The following KCNK3 variants were observed in gnomAD, a reference collection of about 807,000 sequenced individuals.
The protein encoded by KCNK3 is potassium channel subfamily K member 3.
In KCNK3, 9 loss-of-function variants were observed where a neutral mutation model predicts 27.3. That is an observed-to-expected ratio of 0.33 (90% CI 0.20 to 0.57). The LOEUF is 0.57. KCNK3 is among the 20% of genes least tolerant of loss of function. KCNK3 has a pLI of 0.87. For synonymous variants in KCNK3, 278 were observed against 273.8 expected (o/e 1.02, Z -0.15); for missense variants, 391 against 577.7 (o/e 0.68, Z 3.31).
intron 1 of KCNK3, among the ~76,000 whole-genome samples, chr2:26,712,563 G>A (rs1663137055): frequency 1.3e-5 from 2 of 152,198 alleles, no homozygotes; most frequent in South Asian, 4.1e-4. Flanking sequence ...CTCTCCCTTT[G>A]TGCAGATGTC....
At position 26,729,041 on chromosome 2, in the gene KCNK3, C is replaced by G. The variant is rs1452954097; in HGVS notation, c.*473C>G. Reference sequence around the variant, plus strand: ...AAGTCACCCCTACTCAGCCCCACTCCCCTTCCTCATCCCCAGCTGTGTCTC... The same window carrying G: ...AAGTCACCCCTACTCAGCCCCACTCGCCTTCCTCATCCCCAGCTGTGTCTC... On this transcript the variant is annotated 3_prime_UTR_variant, in exon 2 of 2. Transcript: ENST00000302909. The G allele has an allele frequency of 7.9e-4, 123 of 155,902 alleles. 1 individual carries two copies. The highest frequency in any genetic ancestry group is 8.2e-4 in the South Asian group (4 of 4,852). 9.7% of individuals were successfully genotyped at this position (155,902 alleles called of 1,614,324 possible).
At chr2:26,699,546 C>A (rs551226953) in intron 1 of KCNK3, among the ~76,000 whole-genome samples, 1 of 152,198 alleles carries the variant, frequency 6.6e-6, no homozygotes, top group Non-Finnish European at 1.5e-5. Flanking sequence ...GCTGCACAAA[C>A]GGTGAATCTG....
intron 1 of KCNK3, among the ~76,000 whole-genome samples, chr2:26,720,765 C>A (rs1051528238): frequency 1.3e-5 from 2 of 152,030 alleles, no homozygotes; most frequent in Non-Finnish European, 2.9e-5. Context: ...GGAAGAGAGG[C>A]CTCGGGAAGG....
At chr2:26,699,672 G>A (rs1052142637) in intron 1 of KCNK3, among the ~76,000 whole-genome samples, 3 of 152,162 alleles carry the variant, frequency 2.0e-5, no homozygotes, top group African/African-American at 7.2e-5. Flanking sequence ...GCTCAGTGGA[G>A]ACCCAGGACG....
rs1305501474 is a variant in KCNK3, at chr2:26,708,917, A to C, written c.283+15759A>C. 2.0e-5 allele frequency among the ~76,000 whole-genome samples: 3 copies of C among 152,186 alleles called. 1 individual carries two copies. Among genetic ancestry groups the C allele is most frequent in the Admixed American group, 2.0e-4 (3 of 15,284 alleles). On this transcript the variant is annotated intron_variant, in intron 1 of 1. Coordinates refer to ENST00000302909, the MANE Select transcript of KCNK3 (RefSeq NM_002246.3). ...AGAGAGGATGGTGGCGGACTGGACC[A>C]GCGTGGTGGTGGTGGAGACAGAGCT...
chr2:26,732,392 A>G lies in KCNK3; in HGVS notation c.*3824A>G, dbSNP rs933997576. On this transcript the variant is annotated 3_prime_UTR_variant, in exon 2 of 2. Transcript: ENST00000302909. ...TACCTGCTAATGGTTTAATACCTGC[A>G]GATTGAAATATACTGGAGAAATAAA... The G allele has an allele frequency of 1.3e-5, 2 of 152,270 alleles. No homozygotes were observed. The highest frequency in any genetic ancestry group is 4.8e-5 in the African/African-American group (2 of 41,468). The allele number at this position is 152,270 out of a possible 1,614,324, so 9.4% of individuals were successfully genotyped here.
chr2:26,731,676 C>T lies in KCNK3; in HGVS notation c.*3108C>T, dbSNP rs1300046438. ...CACTGGCTTCCCTTTTGGGATTTCCCAGAAGATCCAGATTTTCTTAAGTCC... is the reference window on the plus strand; with the variant it reads ...CACTGGCTTCCCTTTTGGGATTTCCTAGAAGATCCAGATTTTCTTAAGTCC... On this transcript the variant is annotated 3_prime_UTR_variant, in exon 2 of 2. Transcript: ENST00000302909. The T allele has an allele frequency of 1.3e-5, 2 of 152,262 alleles. No individual in the cohort carries two copies. Among genetic ancestry groups the T allele is most frequent in the Non-Finnish European group, 2.9e-5 (2 of 68,044 alleles). The allele number at this position is 152,262 out of a possible 1,614,324, so 9.4% of individuals were successfully genotyped here. A position where few individuals can be genotyped will look rare whatever the true frequency, so the allele number is the denominator to read the frequency against.
intron 1 of KCNK3, among the ~76,000 whole-genome samples, chr2:26,726,672 T>C (rs1663425090): frequency 6.6e-6 from 1 of 151,772 alleles, no homozygotes; most frequent in African/African-American, 2.4e-5. Flanking sequence ...TGAGTTCCCA[T>C]CCAGGGTCAT....
At chr2:26,715,697 G>C (rs1663217413) in intron 1 of KCNK3, among the ~76,000 whole-genome samples, 1 of 152,216 alleles carries the variant, frequency 6.6e-6, no homozygotes, top group African/African-American at 2.4e-5. Context: ...GGAGGGTGTA[G>C]GGGCCGGGTC....
At chr2:26,725,515 G>C (rs979116497) in intron 1 of KCNK3, among the ~76,000 whole-genome samples, 1 of 151,464 alleles carries the variant, frequency 6.6e-6, no homozygotes, top group African/African-American at 2.5e-5. Context: ...TCTCCACCAA[G>C]TAGTGCCGGC....
rs117559952 is a variant in KCNK3, at chr2:26,694,136, T to C, written c.283+978T>C. On this transcript the variant is annotated intron_variant, in intron 1 of 1. Coordinates refer to ENST00000302909, the MANE Select transcript of KCNK3 (RefSeq NM_002246.3). ...TTTCAGCCCAGCTCCATCACTACCG[T>C]GATATATGACCTTGGGCAAGTCCCT... Among the ~76,000 whole-genome samples, 304 of 152,220 alleles carry C rather than the reference T, an allele frequency of 2.0e-3. 7 individuals are homozygous for C. In the East Asian group the frequency reaches 0.047, roughly 24 times the overall value.
chr2:26,710,217 G>C (rs1339857557), intron 1 of KCNK3, among the ~76,000 whole-genome samples: 1 of 152,216 alleles, frequency 6.6e-6, no homozygotes, highest in Non-Finnish European at 1.5e-5. Context: ...TCCCCCGACT[G>C]CTCTTTGGGA....
intron 1 of KCNK3, among the ~76,000 whole-genome samples, chr2:26,723,676 TG>T (rs1558603086): frequency 6.6e-6 from 1 of 152,246 alleles, no homozygotes; most frequent in East Asian, 1.9e-4. Flanking sequence ...TTTCCCTCTC[TG>T]GGCCTCCATT....
intron 1 of KCNK3, among the ~76,000 whole-genome samples, chr2:26,723,195 T>C (rs1415824824): frequency 1.3e-5 from 2 of 152,120 alleles, no homozygotes; most frequent in East Asian, 3.8e-4. Context: ...AGTTGTGCTT[T>C]GAATAGAAGG....
At chr2:26,722,380 A>T (rs1290756687) in intron 1 of KCNK3, among the ~76,000 whole-genome samples, 1 of 152,270 alleles carries the variant, frequency 6.6e-6, no homozygotes, top group African/African-American at 2.4e-5. Flanking sequence ...AAATATTCAT[A>T]TTAATAATTC....
At chr2:26,714,802 CT>C (rs1663198663) in intron 1 of KCNK3, among the ~76,000 whole-genome samples, 1 of 59,222 alleles carries the variant, frequency 1.7e-5, no homozygotes, top group Non-Finnish European at 6.1e-5. Context: ...AGGAGAATCA[CT>C]TGAACCCAGG....
At chr2:26,723,396 T>C (rs1222893876) in intron 1 of KCNK3, among the ~76,000 whole-genome samples, 1 of 152,244 alleles carries the variant, frequency 6.6e-6, no homozygotes, top group Admixed American at 6.5e-5. Context: ...TTGGTTTTCC[T>C]GCTGCCCTAA....
At chr2:26,716,281 T>C (rs971412816) in intron 1 of KCNK3, among the ~76,000 whole-genome samples, 3 of 152,204 alleles carry the variant, frequency 2.0e-5, no homozygotes, top group Admixed American at 6.5e-5. Flanking sequence ...GCACCTCCTC[T>C]AAAGGACAGC....
intron 1 of KCNK3, among the ~76,000 whole-genome samples, chr2:26,704,016 A>G (rs1347743577): frequency 6.6e-6 from 1 of 152,122 alleles, no homozygotes; most frequent in Non-Finnish European, 1.5e-5. Context: ...CCCCTGCCTG[A>G]GTCCTGACCA....
Sources: gnomAD v4.1 joint callset for allele counts (sites outside exome capture counted in the v4.1 genomes callset) on GRCh38, gnomAD v4.1.1 for gene constraint, MANE v1.5 for transcripts, NCBI Gene and HGNC (gene_info 2026-07-23, HGNC 2026-07-21) for gene names.